The following SEM1 variants were observed in gnomAD, a reference collection of about 807,000 sequenced individuals.
SEM1 encodes the protein 26S proteasome complex subunit SEM1.
A neutral mutation model predicts 12.7 loss-of-function variants in SEM1; 3 were observed. The ratio of observed to expected loss-of-function variants is 0.24; its 90% CI spans 0.11 to 0.61. The LOEUF is 0.61. SEM1 is among the 20% of genes least tolerant of loss of function. The probability of loss-of-function intolerance (pLI) is 0.88; values close to 1 mark genes in which losing one functional copy is unlikely to be tolerated. For missense variants in SEM1, 59 were observed against 81.3 expected (o/e 0.73, Z 1.06); for synonymous variants, 30 against 27.8 (o/e 1.08, Z -0.25).
chr7:96,518,623 C>T (rs941824132), intron 2 of SEM1, among the ~76,000 whole-genome samples: 1 of 152,002 alleles, frequency 6.6e-6, no homozygotes, highest in Non-Finnish European at 1.5e-5. Flanking sequence ...ATCACGCAGC[C>T]CTTCAGTTCA....
chr7:96,669,810 CTCTTT>C (rs946729354), downstream of SEM1, among the ~76,000 whole-genome samples: 6 of 152,102 alleles, frequency 3.9e-5, no homozygotes, highest in African/African-American at 1.2e-4. Context: ...ATTACTTTAT[CTCTTT>C]TCTTTAGTAT....
chr7:96,506,040 A>G (rs1241384361), intron 3 of SEM1, among the ~76,000 whole-genome samples: 2 of 152,100 alleles, frequency 1.3e-5, no homozygotes, highest in African/African-American at 4.8e-5. Context: ...ATCAGTTTTA[A>G]TCCATTGCAG....
chr7:96,587,453 T>G (rs1371117625), intron 2 of SEM1, among the ~76,000 whole-genome samples: 1 of 152,168 alleles, frequency 6.6e-6, no homozygotes, highest in Non-Finnish European at 1.5e-5. Flanking sequence ...TTTGAGCTGT[T>G]CTTTCTTTTC....
intron 1 of SEM1, among the ~76,000 whole-genome samples, chr7:96,490,148 TA>T (rs1218659026): frequency 6.6e-6 from 1 of 152,166 alleles, no homozygotes; most frequent in Non-Finnish European, 1.5e-5. Flanking sequence ...TGAGCCTGTA[TA>T]CCCTCTACTT....
intron 2 of SEM1, chr7:96,646,013 C>G: frequency 2.5e-6 from 1 of 396,584 alleles, no homozygotes; most frequent in East Asian, 3.6e-5. Context: ...TTCACTGATT[C>G]ATCATGTCTT....
chr7:96,697,657 A>G (rs925197173), intron 1 of SEM1, among the ~76,000 whole-genome samples: 2 of 152,160 alleles, frequency 1.3e-5, no homozygotes, highest in Non-Finnish European at 2.9e-5. Context: ...AGTTTCTTCA[A>G]ATACAAAACA....
intron 2 of SEM1, among the ~76,000 whole-genome samples, chr7:96,662,234 G>C (rs900278637): frequency 6.6e-6 from 1 of 152,120 alleles, no homozygotes; most frequent in African/African-American, 2.4e-5. Flanking sequence ...CATGTTCACT[G>C]CAGCACTATT....
At chr7:96,570,963 C>T (rs532134100) in intron 2 of SEM1, among the ~76,000 whole-genome samples, 2 of 143,506 alleles carry the variant, frequency 1.4e-5, no homozygotes, top group South Asian at 2.2e-4. Context: ...TGATGATGAG[C>T]TTTTTTTTTT....
chr7:96,677,657 A>G (rs551727139), intron 2 of SEM1, among the ~76,000 whole-genome samples: 3 of 152,238 alleles, frequency 2.0e-5, no homozygotes, highest in African/African-American at 7.2e-5. Flanking sequence ...AGCAGGAACT[A>G]TTCAGTGGTC....
chr7:96,554,567 G>A (rs2115866323), intron 2 of SEM1, among the ~76,000 whole-genome samples: 1 of 150,002 alleles, frequency 6.7e-6, no homozygotes, highest in East Asian at 2.0e-4. Flanking sequence ...TGGTGGATAA[G>A]CTTTTTGATG....
chr7:96,519,935 G>T (rs1256635205), intron 2 of SEM1, among the ~76,000 whole-genome samples: 1 of 151,978 alleles, frequency 6.6e-6, no homozygotes, highest in African/African-American at 2.4e-5. Context: ...GGAAAGAAGG[G>T]GCCTCTTGAT....
intron 1 of SEM1, chr7:96,695,680 A>G (rs539396737): frequency 1.3e-5 from 2 of 152,020 alleles, no homozygotes; most frequent in South Asian, 4.2e-4. Context: ...TAAAGACTAG[A>G]TACTATGTTC....
At chr7:96,526,436 A>T (rs1217516462) in intron 2 of SEM1, among the ~76,000 whole-genome samples, 1 of 152,066 alleles carries the variant, frequency 6.6e-6, no homozygotes, top group Non-Finnish European at 1.5e-5. Context: ...CCCAGTTTAC[A>T]CGGGGGAGAG....
At chr7:96,673,037 TTG>T (rs1446119114), downstream of SEM1, 1 of 152,190 alleles carries the variant, frequency 6.6e-6, no homozygotes, top group Non-Finnish European at 1.5e-5. Context: ...AATTAATTGT[TTG>T]TCTTTTAGGA....
chr7:96,525,884 T>C (rs926256875), intron 2 of SEM1, among the ~76,000 whole-genome samples: 4 of 152,130 alleles, frequency 2.6e-5, no homozygotes. Flanking sequence ...TGGAACAGTT[T>C]CATCCCGAAA....
intron 2 of SEM1, among the ~76,000 whole-genome samples, chr7:96,555,149 C>A (rs1805439980): frequency 8.6e-6 from 1 of 116,178 alleles, no homozygotes; most frequent in Non-Finnish European, 2.2e-5. Context: ...AAAAAACCAG[C>A]TCCTGGATTC....
chr7:96,670,613 C>T (rs958531041), downstream of SEM1, among the ~76,000 whole-genome samples: 24 of 152,122 alleles, frequency 1.6e-4, no homozygotes, highest in Admixed American at 1.3e-4. Context: ...TTTTTGTATC[C>T]TCATCTGACA....
At position 96,513,025 on chromosome 7, in the gene SEM1, A is replaced by G. The variant is rs1042921543; in HGVS notation, c.171-6327T>C. On this transcript the variant is annotated intron_variant and NMD_transcript_variant, in intron 2 of 3. Coordinates refer to the SEM1 transcript ENST00000466986. The stretch of plus-strand genomic sequence containing the variant: ...CTCATTCCCAGAACTTGTGAATTCG[A>G]TCATATTTGGAAACAGGATCTTTGC... Among the ~76,000 whole-genome samples, 33 of 152,090 alleles carry G rather than the reference A, an allele frequency of 2.2e-4. 1 individual carries two copies. Among genetic ancestry groups the G allele is most frequent in the Admixed American group, 2.0e-3 (31 of 15,250 alleles).
chr7:96,596,178 C>T (rs1806994752), intron 2 of SEM1, among the ~76,000 whole-genome samples: 1 of 152,194 alleles, frequency 6.6e-6, no homozygotes, highest in African/African-American at 2.4e-5. Context: ...GCTTGTAAAA[C>T]CCAAAGAGCA....
Sources: gnomAD v4.1 joint callset for allele counts (sites outside exome capture counted in the v4.1 genomes callset) on GRCh38, gnomAD v4.1.1 for gene constraint, MANE v1.5 for transcripts, NCBI Gene and HGNC (gene_info 2026-07-23, HGNC 2026-07-21) for gene names.